SFXN5: variants seen among roughly 807,000 people sequenced by gnomAD.
SFXN5 encodes sideroflexin-5.
Under a neutral mutation model 50.2 loss-of-function variants are expected in SFXN5, and 43 were observed. The observed-to-expected ratio is 0.86, with a 90% CI of 0.67 to 1.11. The LOEUF (loss-of-function observed/expected upper bound fraction) is 1.11. SFXN5 is among the 50% of genes least tolerant of loss of function. The pLI is 0.00. For missense variants in SFXN5, 463 were observed against 454.1 expected (o/e 1.02, Z -0.18); for synonymous variants, 203 against 185.8 (o/e 1.09, Z -0.75).
chr2:73,048,339 C>G (rs1195908696), intron 2 of SFXN5, among the ~76,000 whole-genome samples: 1 of 152,168 alleles, frequency 6.6e-6, no homozygotes, highest in Admixed American at 6.5e-5. Context: ...CCTCAGCCTC[C>G]CGAGTAGCTG....
At position 72,945,007 on chromosome 2, in the gene SFXN5, G is replaced by A. The variant is rs901217600; in HGVS notation, c.*15C>T. The A allele has an allele frequency of 1.2e-6, 2 of 1,612,338 alleles. No homozygotes were observed. The highest frequency in any genetic ancestry group is 2.2e-5 in the East Asian group (1 of 44,878). ...CCGGCTGCACAGTGCTCCGTCCCCA[G>A]GCCGCTGACCACACTCACAACCCCT... On this transcript the variant is annotated 3_prime_UTR_variant, in exon 14 of 14. Coordinates refer to ENST00000272433, the MANE Select transcript of SFXN5 (RefSeq NM_144579.3). The surrounding 1 kb of genome is among the most constrained non-coding windows in gnomAD (Gnocchi z 5.8).
Position 73,000,071 on chromosome 2 carries a change from T to A in SFXN5, c.468+360A>T, listed in dbSNP as rs1296571824. Among the ~76,000 whole-genome samples the A allele has an allele frequency of 3.9e-5, 6 of 152,168 alleles. 1 individual carries two copies. The highest frequency in any genetic ancestry group is 4.1e-4 in the South Asian group (2 of 4,838). On this transcript the variant is annotated intron_variant, in intron 8 of 13. Coordinates refer to ENST00000272433, the MANE Select transcript of SFXN5 (RefSeq NM_144579.3). ...TTTTGGAGGAAGCTTTATGGGAATTTTGCCCCCAAGTAGCTGATACCATCA... is the reference window on the plus strand; with the variant it reads ...TTTTGGAGGAAGCTTTATGGGAATTATGCCCCCAAGTAGCTGATACCATCA...
Position 72,950,684 on chromosome 2 carries a change from A to G in SFXN5, c.946-5585T>C, listed in dbSNP as rs890678138. On this transcript the variant is annotated intron_variant, in intron 13 of 13. Transcript: ENST00000272433. This position sits in a 1 kb window ranked among gnomAD's most constrained non-coding sequence, Gnocchi z 4.2. The stretch of plus-strand genomic sequence containing the variant: ...AGTTTTCTCCAAGGGAACCACATCT[A>G]GGGCCTTGCCTGGCAGTGGCCTCTG... 6.6e-6 allele frequency among the ~76,000 whole-genome samples: 1 copy of G among 152,236 alleles called. No individual in the cohort carries two copies. The highest frequency in any genetic ancestry group is 2.4e-5 in the African/African-American group (1 of 41,468).
intron 2 of SFXN5, among the ~76,000 whole-genome samples, chr2:73,050,185 T>C (rs1423947797): frequency 6.6e-6 from 1 of 152,142 alleles, no homozygotes; most frequent in Non-Finnish European, 1.5e-5. Flanking sequence ...GTTGCATTCC[T>C]GCGGCTTTCC....
chr2:73,039,469 T>G (rs1052141194), intron 3 of SFXN5, among the ~76,000 whole-genome samples: 3 of 152,212 alleles, frequency 2.0e-5, no homozygotes, highest in Admixed American at 6.5e-5. Flanking sequence ...GTTATTTCTA[T>G]AATTGTAACG....
At chr2:73,059,266 G>A (rs1682550289) in intron 1 of SFXN5, 10 of 985,700 alleles carry the variant, frequency 1.0e-5, no homozygotes, top group Non-Finnish European at 1.2e-5. Context: ...CGGCTGCTGG[G>A]CCTTCTGCCC....
At chr2:72,969,879 G>C (rs1384364910) in intron 11 of SFXN5, among the ~76,000 whole-genome samples, 1 of 152,084 alleles carries the variant, frequency 6.6e-6, no homozygotes, top group East Asian at 1.9e-4. Context: ...GGCCTCCCAA[G>C]GGATTCCTGG....
intron 6 of SFXN5, among the ~76,000 whole-genome samples, chr2:73,009,506 G>C (rs1675214450): frequency 6.6e-6 from 1 of 152,228 alleles, no homozygotes; most frequent in African/African-American, 2.4e-5. Context: ...TCAGGATACA[G>C]ATATCTGGGG....
chr2:73,025,255 C>T (rs1266911145), intron 3 of SFXN5, among the ~76,000 whole-genome samples: 1 of 152,126 alleles, frequency 6.6e-6, no homozygotes, highest in Non-Finnish European at 1.5e-5. Flanking sequence ...GGTGCGACCC[C>T]AGGCCCTGTA....
chr2:72,968,471 C>T lies in SFXN5; in HGVS notation c.804G>A (p.Pro268=), dbSNP rs146689644. ...VLPMPILVLP[P]IVMSMLEKTA... ...ACTTCTCCAGCATGGACATGACGAT[C>T]GGGGGTAGCACCAGGATGGGCATGG... Residue 268 remains proline (P), a synonymous_variant, in exon 12 of 14, where the codon CCG becomes CCA. Transcript: ENST00000272433. 196 of 1,612,806 alleles carry T rather than the reference C, an allele frequency of 1.2e-4. No homozygotes were observed. The highest frequency in any genetic ancestry group is 1.6e-4 in the Non-Finnish European group (184 of 1,179,910).
intron 2 of SFXN5, among the ~76,000 whole-genome samples, chr2:73,053,947 A>G (rs1681734980): frequency 6.6e-6 from 1 of 152,198 alleles, no homozygotes; most frequent in Admixed American, 6.5e-5. Flanking sequence ...GACTGACTCC[A>G]GCATTGAGGG....
At chr2:72,948,727 G>A (rs1334163134) in intron 13 of SFXN5, among the ~76,000 whole-genome samples, 4 of 152,220 alleles carry the variant, frequency 2.6e-5, no homozygotes, top group East Asian at 3.9e-4. Flanking sequence ...TAGGAGCAGG[G>A]GGAGATGCAG....
chr2:72,970,476 T>C (rs868569536), intron 11 of SFXN5, among the ~76,000 whole-genome samples: 16 of 152,262 alleles, frequency 1.1e-4, no homozygotes, highest in African/African-American at 3.9e-4. Context: ...ACCTCATGAC[T>C]GGGGTAAGGC....
At chr2:73,015,945 GAAA>G (rs1301182708) in intron 6 of SFXN5, among the ~76,000 whole-genome samples, 1 of 100,902 alleles carries the variant, frequency 9.9e-6, no homozygotes, top group African/African-American at 3.6e-5. Context: ...CTCCAAAAAA[GAAA>G]AAAAAAAAAA....
chr2:73,001,504 T>C (rs754850935), intron 7 of SFXN5, 21 bp downstream of exon 7: 13 of 1,613,902 alleles, frequency 8.1e-6, no homozygotes, highest in Admixed American at 1.7e-5. Context: ...TCAGGAGCCC[T>C]GTTTGCTGCG....
chr2:72,994,245 G>A (rs1294976753), intron 9 of SFXN5, among the ~76,000 whole-genome samples: 4 of 152,150 alleles, frequency 2.6e-5, no homozygotes, highest in Admixed American at 6.5e-5. Flanking sequence ...GCGTGCTGTA[G>A]GCACTCCAGA....
chr2:73,071,366 G>T, intron 1 of SFXN5: 1 of 512,608 alleles, frequency 2.0e-6, no homozygotes, highest in South Asian at 2.5e-5. Context: ...GCTAGAGGGC[G>T]CGGGCAGTCG....
rs201731288 is a variant in SFXN5 at position 73,023,224 on chromosome 2, A to G, written c.250-10T>C. The G allele has an allele frequency of 6.3e-7, 1 of 1,597,780 alleles. No homozygotes were observed. The highest frequency in any genetic ancestry group is 2.3e-5 in the East Asian group (1 of 44,014). On this transcript the variant is annotated splice_polypyrimidine_tract_variant and intron_variant, in intron 3 of 13. Coordinates refer to ENST00000272433, the MANE Select transcript of SFXN5 (RefSeq NM_144579.3). ...TCTGTGCACTCCAGAGCTGGAAGAG[A>G]GATAAAGGAAAAGAAAATAAAGAAC...
At chr2:72,955,104 GC>G (rs995028007) in intron 13 of SFXN5, among the ~76,000 whole-genome samples, 3 of 152,170 alleles carry the variant, frequency 2.0e-5, no homozygotes, top group African/African-American at 7.2e-5. Context: ...GCTCCCGGCT[GC>G]CCCCCTGCTC....
Sources: allele counts gnomAD v4.1 joint callset (sites outside exome capture counted in the v4.1 genomes callset), GRCh38; gene constraint gnomAD v4.1.1; non-coding constraint Gnocchi (gnomAD v3.1); transcripts MANE v1.5; gene names NCBI Gene and HGNC (gene_info 2026-07-23, HGNC 2026-07-21).